The following BCL6B variants were observed in gnomAD, a reference collection of about 807,000 sequenced individuals.
The protein encoded by BCL6B is BCL6B transcription repressor, also known as B-cell CLL/lymphoma 6 member B protein.
In BCL6B, 28 loss-of-function variants were observed where a neutral mutation model predicts 44.6. The ratio of observed to expected loss-of-function variants is 0.63; its 90% CI spans 0.47 to 0.86. The LOEUF is 0.86. BCL6B is among the 40% of genes least tolerant of loss of function. The pLI is 0.00. For missense variants in BCL6B, 626 were observed against 652.3 expected, an observed-to-expected ratio of 0.96 and a Z score of 0.44; for synonymous variants, 268 against 263.6, an observed-to-expected ratio of 1.02 and a Z score of -0.16.
intron 1 of BCL6B, chr17:7,023,428 C>T (rs905735606): frequency 2.0e-6 from 1 of 510,408 alleles, no homozygotes; most frequent in Admixed American, 3.7e-5. Context: ...AACGACGCCG[C>T]GGTGTGGAAC....
chr17:7,026,583 A>G lies in BCL6B; in HGVS notation c.1016A>G (p.Tyr339Cys), dbSNP rs1910294863. 3 of 1,614,074 alleles carry G rather than the reference A, an allele frequency of 1.9e-6. No homozygotes were observed. The highest frequency in any genetic ancestry group is 1.6e-4 in the Middle Eastern group (1 of 6,084). ...CAGCTGTGCCGGTCTTCGTTCCGCT[A>G]CAAGGGCAACCTTGCCAGTCATCGT... ...KCQLCRSSFR[Y>C]KGNLASHRTV... Residue 339 changes from tyrosine to cysteine, a missense_variant, in exon 6 of 9, where the codon TAC (tyrosine) becomes TGC (cysteine). Physicochemically the swap from Tyr to Cys is radical, Grantham distance 194. Transcript: ENST00000293805.
chr17:7,027,922 T>C lies in BCL6B; in HGVS notation c.*303T>C. On this transcript the variant is annotated 3_prime_UTR_variant, in exon 9 of 9. Coordinates refer to ENST00000293805, the MANE Select transcript of BCL6B (RefSeq NM_181844.4). ...CTCCCTAAGGGAATAGCCCTCCACCTGTGGCCCCCATTGCATTCAGTTTAT... is the reference window on the plus strand; with the variant it reads ...CTCCCTAAGGGAATAGCCCTCCACCCGTGGCCCCCATTGCATTCAGTTTAT... 7 of 1,191,808 alleles carry C rather than the reference T, an allele frequency of 5.9e-6. No individual in the cohort carries two copies. Among genetic ancestry groups the C allele is most frequent in the Non-Finnish European group, 7.3e-6 (7 of 957,134 alleles). The allele number at this position is 1,191,808 out of a possible 1,614,324, so 73.8% of individuals were successfully genotyped here. A position where few individuals can be genotyped will look rare whatever the true frequency, so the allele number is the denominator to read the frequency against.
chr17:7,023,702 C>T lies in BCL6B; in HGVS notation c.31C>T (p.Leu11=). Residue 11 remains leucine (L), a synonymous_variant, in exon 2 of 9, where the codon CTG becomes TTG. Transcript: ENST00000293805. ...TTCCCCCGCCGCCCCGGAGGGAGCG[C>T]TGGGCTACGTCCGCGAGTTCACTCG... MGSPAAPEGA[L]GYVREFTRHS... is the part of the protein sequence containing the mutation. 6.2e-7 allele frequency: 1 copy of T among 1,613,052 alleles called. No individual in the cohort carries two copies.
intron 1 of BCL6B, 165 bp downstream of exon 1, chr17:7,023,264 C>T (rs1289572249): frequency 5.1e-6 from 1 of 197,352 alleles, no homozygotes; most frequent in Non-Finnish European, 1.0e-5. Flanking sequence ...AAGGGAGCCT[C>T]GGCTGGGATT....
chr17:7,024,401 C>G lies in BCL6B; in HGVS notation c.402C>G (p.Ser134Arg). 1 of 1,612,782 alleles carries G rather than the reference C, an allele frequency of 6.2e-7. No homozygotes were observed. The highest frequency in any genetic ancestry group is 8.5e-7 in the Non-Finnish European group (1 of 1,179,260). The change falls in exon 4 of 9, where the codon AGC becomes AGG. Residue 134 changes from serine to arginine, a missense_variant and splice_region_variant. Physicochemically the swap from Ser to Arg is moderately radical, Grantham distance 110 (BLOSUM62 -1). Coordinates refer to ENST00000293805, the MANE Select transcript of BCL6B (RefSeq NM_181844.4). The surrounding 1 kb of genome is among the most constrained non-coding windows in gnomAD (Gnocchi z 6.6). ...VQACHRFIQASYEPLGISLRP... is the reference protein window; with the variant it reads ...VQACHRFIQARYEPLGISLRP... ...CTAACGTTCATCACACTTTCCCCAG[C>G]TATGAACCTCTGGGCATCTCCCTGC... is the stretch of plus-strand genomic sequence containing the variant.
chr17:7,028,592 G>C lies in BCL6B; in HGVS notation c.*973G>C. 2.3e-6 allele frequency: 2 copies of C among 875,240 alleles called. No individual in the cohort carries two copies. Among genetic ancestry groups the C allele is most frequent in the Non-Finnish European group, 2.6e-6 (2 of 779,592 alleles). The allele number at this position is 875,240 out of a possible 1,614,324, so 54.2% of individuals were successfully genotyped here. On this transcript the variant is annotated 3_prime_UTR_variant, in exon 9 of 9. Transcript: ENST00000293805. Reference sequence around the variant, plus strand: ...TGCTGTATCCATCTATAGTGGTAGAGACCCACCAGGGCTCAAGTGGAGTCC... The same window carrying C: ...TGCTGTATCCATCTATAGTGGTAGACACCCACCAGGGCTCAAGTGGAGTCC...
Position 7,024,730 on chromosome 17 carries a change from G to GCAA in BCL6B, c.731_732insCAA (p.Ser244_Glu245insAsn), listed in dbSNP as rs1555570975. 2.5e-6 allele frequency: 4 copies of GCAA among 1,613,020 alleles called. No individual in the cohort carries two copies. The highest frequency in any genetic ancestry group is 2.5e-6 in the Non-Finnish European group (3 of 1,179,840). ...AGCAGCAGCAGCAGCAGCAGCAGCA[G>GCAA]TGAAGAAGGACCCATTCCTGGTCCC... is the stretch of plus-strand genomic sequence containing the variant. On this transcript the variant is annotated inframe_insertion, in exon 4 of 9. Transcript: ENST00000293805. The surrounding 1 kb of genome is among the most constrained non-coding windows in gnomAD (Gnocchi z 6.6).
rs1484863840 is a variant in BCL6B, at chr17:7,028,819, A to G, written c.*1200A>G. On this transcript the variant is annotated 3_prime_UTR_variant, in exon 9 of 9. Coordinates refer to ENST00000293805, the MANE Select transcript of BCL6B (RefSeq NM_181844.4). ...TTAACCCATCCTTTACTACAGAGGC[A>G]TATGGGTTTGAATGTTACCTGGGGT... The G allele has an allele frequency of 1.5e-5, 15 of 985,334 alleles. No individual in the cohort carries two copies. Among genetic ancestry groups the G allele is most frequent in the Non-Finnish European group, 1.8e-5 (15 of 829,934 alleles). 61.0% of individuals were successfully genotyped at this position (985,334 alleles called of 1,614,324 possible).
intron 1 of BCL6B, 27 bp from the exon 2 acceptor site, chr17:7,023,633 C>A: frequency 6.3e-7 from 1 of 1,585,318 alleles, no homozygotes; most frequent in Non-Finnish European, 8.6e-7. Context: ...CTGCCTGGAT[C>A]CAGAGCACTT....
Position 7,029,309 on chromosome 17 carries a change from T to C in BCL6B, c.*1690T>C. ...AAGCGCTGAAGCCTTGATTGATAGTTCTGCCCCTTGTTGCCCTGGGGCTTA... is the reference window on the plus strand; with the variant it reads ...AAGCGCTGAAGCCTTGATTGATAGTCCTGCCCCTTGTTGCCCTGGGGCTTA... On this transcript the variant is annotated 3_prime_UTR_variant, in exon 9 of 9. Coordinates refer to ENST00000293805, the MANE Select transcript of BCL6B (RefSeq NM_181844.4). The C allele has an allele frequency of 6.1e-6, 6 of 988,630 alleles. No homozygotes were observed. Among genetic ancestry groups the C allele is most frequent in the Non-Finnish European group, 7.2e-6 (6 of 831,876 alleles). 61.2% of individuals were successfully genotyped at this position (988,630 alleles called of 1,614,324 possible). A position where few individuals can be genotyped will look rare whatever the true frequency, so the allele number is the denominator to read the frequency against.
chr17:7,028,534 T>C lies in BCL6B; in HGVS notation c.*915T>C, dbSNP rs1190383077. The C allele has an allele frequency of 4.9e-6, 4 of 819,640 alleles. No individual in the cohort carries two copies. The highest frequency in any genetic ancestry group is 5.3e-6 in the Non-Finnish European group (4 of 748,036). The allele number at this position is 819,640 out of a possible 1,614,324, so 50.8% of individuals were successfully genotyped here. A position where few individuals can be genotyped will look rare whatever the true frequency, so the allele number is the denominator to read the frequency against. On this transcript the variant is annotated 3_prime_UTR_variant, in exon 9 of 9. Coordinates refer to ENST00000293805, the MANE Select transcript of BCL6B (RefSeq NM_181844.4). ...CTGCAAGATGGTCCAGAATCTAAAATGTCCCATTAATCTGGTCACTTGGGT... is the reference window on the plus strand; with the variant it reads ...CTGCAAGATGGTCCAGAATCTAAAACGTCCCATTAATCTGGTCACTTGGGT...
chr17:7,027,760 TG>T lies in BCL6B; in HGVS notation c.*145del. 1 of 1,471,074 alleles carries T rather than the reference TG, an allele frequency of 6.8e-7. No homozygotes were observed. The allele number at this position is 1,471,074 out of a possible 1,614,324, so 91.1% of individuals were successfully genotyped here. On this transcript the variant is annotated 3_prime_UTR_variant, in exon 9 of 9. Coordinates refer to ENST00000293805, the MANE Select transcript of BCL6B (RefSeq NM_181844.4). ...AATTGCCACCCTCTTAATTTCTCAC[TG>T]GGGAGAGCAGGGGTGGCAGATCCTG...
In BCL6B at chr17:7,024,051, G is replaced by C; in HGVS notation, c.180-32G>C. 1 of 1,606,292 alleles carries C rather than the reference G, an allele frequency of 6.2e-7. No individual in the cohort carries two copies. The highest frequency in any genetic ancestry group is 8.5e-7 in the Non-Finnish European group (1 of 1,174,164). On this transcript the variant is annotated intron_variant, in intron 2 of 8. Coordinates refer to ENST00000293805, the MANE Select transcript of BCL6B (RefSeq NM_181844.4). The surrounding 1 kb of genome is among the most constrained non-coding windows in gnomAD (Gnocchi z 6.6). ...TGCGCATGTCTCCCTTGGTTCCCCAGCCCCCAAAGGACTTATCTGCTCTCT... is the reference window on the plus strand; with the variant it reads ...TGCGCATGTCTCCCTTGGTTCCCCACCCCCCAAAGGACTTATCTGCTCTCT...
At position 7,024,245 on chromosome 17, in the gene BCL6B, C is replaced by G; in HGVS notation, c.342C>G (p.Ala114=). ...CCACTGCACCAGCAGTCCTAGCGGC[C>G]GCCACCTATTTGCAGATGGAGCACG... is the stretch of plus-strand genomic sequence containing the variant. ...SPATAPAVLA[A]ATYLQMEHVV... Residue 114 remains alanine (A), a synonymous_variant, in exon 3 of 9, where the codon GCC becomes GCG. Coordinates refer to ENST00000293805, the MANE Select transcript of BCL6B (RefSeq NM_181844.4). This position sits in a 1 kb window ranked among gnomAD's most constrained non-coding sequence, Gnocchi z 6.6. 6.2e-7 allele frequency: 1 copy of G among 1,613,784 alleles called. No individual in the cohort carries two copies. The highest frequency in any genetic ancestry group is 1.1e-5 in the South Asian group (1 of 91,084).
rs1910184442 is a variant in BCL6B, at chr17:7,023,491, T to G, written c.-12-169T>G. The G allele has an allele frequency of 7.9e-6, 5 of 635,280 alleles. No individual in the cohort carries two copies. In the Admixed American group the frequency reaches 1.6e-4, roughly 20 times the overall value. 39.4% of individuals were successfully genotyped at this position (635,280 alleles called of 1,614,324 possible). A position where few individuals can be genotyped will look rare whatever the true frequency, so the allele number is the denominator to read the frequency against. Reference sequence around the variant, plus strand: ...TCTGGAAGAGGCAAGGGAGCGAGGGTGTCGTAGAGGGCAGAATGAACAAGA... The same window carrying G: ...TCTGGAAGAGGCAAGGGAGCGAGGGGGTCGTAGAGGGCAGAATGAACAAGA... On this transcript the variant is annotated intron_variant, in intron 1 of 8. Coordinates refer to ENST00000293805, the MANE Select transcript of BCL6B (RefSeq NM_181844.4).
Position 7,024,829 on chromosome 17 carries a change from C to T in BCL6B, c.764+66C>T. On this transcript the variant is annotated intron_variant, in intron 4 of 8. Coordinates refer to ENST00000293805, the MANE Select transcript of BCL6B (RefSeq NM_181844.4). This position sits in a 1 kb window ranked among gnomAD's most constrained non-coding sequence, Gnocchi z 6.6. ...TCAGCTAGAAGACAGAGTCATTGGG[C>T]CTTGATGGTCAGGAGGAAGGGAGAT... The T allele has an allele frequency of 6.6e-7, 1 of 1,518,656 alleles. No individual in the cohort carries two copies. The highest frequency in any genetic ancestry group is 8.8e-7 in the Non-Finnish European group (1 of 1,133,630). 94.1% of individuals were successfully genotyped at this position (1,518,656 alleles called of 1,614,324 possible). A position where few individuals can be genotyped will look rare whatever the true frequency, so the allele number is the denominator to read the frequency against.
chr17:7,024,000 T>C (rs2151662713), intron 2 of BCL6B, 83 bp from the exon 3 acceptor site: 1 of 1,543,540 alleles, frequency 6.5e-7, no homozygotes, highest in Non-Finnish European at 8.9e-7. Flanking sequence ...GGCGGGACTT[T>C]TTCAGGGGGC....
In BCL6B at chr17:7,026,970, C is replaced by T. The variant is rs770313082; in HGVS notation, c.1206C>T (p.His402=). 1.2e-5 allele frequency: 19 copies of T among 1,613,046 alleles called. No individual in the cohort carries two copies. The highest frequency in any genetic ancestry group is 5.0e-5 in the Admixed American group (3 of 60,026). ...CCCAGGTGGCACATCTGCGGGCGCACGTGCTGATCCACACCGGGGAGAAGC... is the reference window on the plus strand; with the variant it reads ...CCCAGGTGGCACATCTGCGGGCGCATGTGCTGATCCACACCGGGGAGAAGC... ...RFVQVAHLRA[H]VLIHTGEKPY... Residue 402 remains histidine (H), a synonymous_variant, in exon 8 of 9, where the codon CAC becomes CAT. Transcript: ENST00000293805.
rs375998410 is a variant in BCL6B at position 7,027,472 on chromosome 17, G to A, written c.1324-31G>A. The stretch of plus-strand genomic sequence containing the variant: ...ACACCTAAAAGGTGATTGTGGATGG[G>A]GCAGGGCCTGACTTGGCTGTCCTCC... On this transcript the variant is annotated intron_variant, in intron 8 of 8. Coordinates refer to ENST00000293805, the MANE Select transcript of BCL6B (RefSeq NM_181844.4). The A allele has an allele frequency of 9.3e-6, 15 of 1,612,232 alleles. No homozygotes were observed. The African/African-American group carries it at 2.0e-4, about 22-fold the overall frequency.
Sources: gnomAD v4.1 joint callset for allele counts on GRCh38, gnomAD v4.1.1 for gene constraint, Gnocchi (gnomAD v3.1) non-coding constraint, MANE v1.5 for transcripts, NCBI Gene and HGNC (gene_info 2026-07-23, HGNC 2026-07-21) for gene names.